NEGR1: variants seen among roughly 807,000 people sequenced by gnomAD.
NEGR1 encodes the protein neuronal growth regulator 1.
A neutral mutation model predicts 40.9 loss-of-function variants in NEGR1; 10 were observed. The observed-to-expected ratio is 0.24, with a 90% CI of 0.15 to 0.42. The LOEUF (loss-of-function observed/expected upper bound fraction) is 0.42, where lower values mean the gene tolerates loss of function less well. Among genes scored for constraint, NEGR1 ranks in the 10% least tolerant of loss-of-function variants. NEGR1 has a pLI of 1.00. For synonymous variants in NEGR1, 185 were observed against 166.8 expected (o/e 1.11, Z -0.84); for missense variants, 352 against 438.9 (o/e 0.80, Z 1.77).
At chr1:71,707,902 A>C (rs537494456) in intron 3 of NEGR1, among the ~76,000 whole-genome samples, 4 of 152,268 alleles carry the variant, frequency 2.6e-5, no homozygotes, top group Admixed American at 6.5e-5. Flanking sequence ...CAAGACCATC[A>C]AGGCAATTCC....
chr1:71,859,164 GC>G (rs772102241), intron 2 of NEGR1, among the ~76,000 whole-genome samples: 1 of 151,926 alleles, frequency 6.6e-6, no homozygotes, highest in Non-Finnish European at 1.5e-5. Flanking sequence ...GATACCTTTT[GC>G]CCCCATTCTT....
intron 2 of NEGR1, among the ~76,000 whole-genome samples, chr1:71,784,905 T>G (rs1270547108): frequency 6.6e-6 from 1 of 152,256 alleles, no homozygotes; most frequent in Non-Finnish European, 1.5e-5. Context: ...CATTTTTGGT[T>G]GCAGGCAAAT....
chr1:71,793,378 G>A (rs1413170625), intron 2 of NEGR1, among the ~76,000 whole-genome samples: 1 of 141,792 alleles, frequency 7.1e-6, no homozygotes, highest in East Asian at 2.1e-4. Context: ...CAAAGTGCTG[G>A]GATTACAGGC....
intron 4 of NEGR1, among the ~76,000 whole-genome samples, chr1:71,696,127 T>A (rs976396204): frequency 3.3e-5 from 5 of 151,742 alleles, no homozygotes; most frequent in African/African-American, 9.7e-5. Flanking sequence ...TCCTGGTATC[T>A]TTTTTACCCA....
chr1:71,729,746 C>T (rs1278032753), intron 3 of NEGR1, among the ~76,000 whole-genome samples: 1 of 151,892 alleles, frequency 6.6e-6, no homozygotes, highest in Non-Finnish European at 1.5e-5. Context: ...GTGATTCTTC[C>T]ACCTCAGCCT....
chr1:72,049,101 T>C (rs1647032458), intron 1 of NEGR1, among the ~76,000 whole-genome samples: 1 of 151,508 alleles, frequency 6.6e-6, no homozygotes, highest in East Asian at 1.9e-4. Context: ...GTCAAGAGGA[T>C]AGCTTGAGGC....
intron 3 of NEGR1, among the ~76,000 whole-genome samples, chr1:71,706,721 G>C (rs950906527): frequency 2.0e-5 from 3 of 151,772 alleles, no homozygotes; most frequent in Non-Finnish European, 1.5e-5. Flanking sequence ...CTAGCTTCCA[G>C]ATGACATTTC....
chr1:71,630,981 A>C (rs1650951826), intron 4 of NEGR1, among the ~76,000 whole-genome samples: 2 of 151,902 alleles, frequency 1.3e-5, no homozygotes. Flanking sequence ...TGGACAGTAA[A>C]TTATTATAAC....
intron 6 of NEGR1, among the ~76,000 whole-genome samples, chr1:71,445,533 G>A (rs1189596118): frequency 6.6e-6 from 1 of 152,086 alleles, no homozygotes; most frequent in African/African-American, 2.4e-5. Flanking sequence ...TGAAGATACA[G>A]TAAGTGACCT....
intron 1 of NEGR1, among the ~76,000 whole-genome samples, chr1:72,245,749 TATA>T (rs1306416536): frequency 1.3e-5 from 2 of 152,242 alleles, no homozygotes; most frequent in African/African-American, 4.8e-5. Flanking sequence ...AGTAATGAAA[TATA>T]ATAATGATTT....
At chr1:72,268,314 G>C (rs888354153) in intron 1 of NEGR1, among the ~76,000 whole-genome samples, 1 of 151,452 alleles carries the variant, frequency 6.6e-6, no homozygotes, top group African/African-American at 2.4e-5. Flanking sequence ...TTCACAATAA[G>C]TATGGGAGTA....
chr1:71,616,520 G>T (rs542571438), intron 4 of NEGR1, among the ~76,000 whole-genome samples: 1 of 152,216 alleles, frequency 6.6e-6, no homozygotes, highest in East Asian at 1.9e-4. Context: ...ATTGCTTGCA[G>T]ACTCATATCA....
intron 1 of NEGR1, among the ~76,000 whole-genome samples, chr1:72,250,066 A>C (rs1655034420): frequency 2.0e-5 from 3 of 152,210 alleles, no homozygotes; most frequent in Admixed American, 2.0e-4. Flanking sequence ...AAATGTGCGT[A>C]AAGTATAATG....
At chr1:71,582,389 C>T (rs630918) in intron 6 of NEGR1, among the ~76,000 whole-genome samples, 144,627 of 152,288 alleles carry the variant, frequency 0.95, 68,961 homozygotes, top group Non-Finnish European at 1. Context: ...TATACAGACC[C>T]ACAGACTATT....
At chr1:71,683,414 C>T (rs1323395335) in intron 4 of NEGR1, among the ~76,000 whole-genome samples, 2 of 141,114 alleles carry the variant, frequency 1.4e-5, no homozygotes, top group East Asian at 1.9e-4. Flanking sequence ...TAGTGGTTCT[C>T]ATTTCAATTA....
intron 1 of NEGR1, among the ~76,000 whole-genome samples, chr1:71,971,055 T>A (rs1646252216): frequency 6.6e-6 from 1 of 152,142 alleles, no homozygotes; most frequent in South Asian, 2.1e-4. Flanking sequence ...ATTTAATGAC[T>A]GATGCCATTA....
rs538975701 is a variant in NEGR1, at chr1:71,420,973, A to C, written c.941-13403T>G. ...ATGAGTTTGTTCTACATACTTGCTGAAAGTAATATAATTAATTTTTGAAAT... is the reference window on the plus strand; with the variant it reads ...ATGAGTTTGTTCTACATACTTGCTGCAAGTAATATAATTAATTTTTGAAAT... On this transcript the variant is annotated intron_variant, in intron 6 of 6. Transcript: ENST00000357731. 2.6e-5 allele frequency among the ~76,000 whole-genome samples: 4 copies of C among 152,192 alleles called. No individual in the cohort carries two copies. In the East Asian group the frequency reaches 7.7e-4, roughly 29 times the overall value.
chr1:71,582,929 G>A (rs905539263), intron 6 of NEGR1, among the ~76,000 whole-genome samples: 2 of 152,100 alleles, frequency 1.3e-5, no homozygotes, highest in Admixed American at 6.6e-5. Context: ...GGTAAGCTAA[G>A]TTTGATTACA....
intron 3 of NEGR1, among the ~76,000 whole-genome samples, chr1:71,761,512 C>G (rs1655940541): frequency 6.6e-6 from 1 of 152,118 alleles, no homozygotes; most frequent in Admixed American, 6.5e-5. Flanking sequence ...TGACAGTTTA[C>G]AATATTAAAC....
Sources: allele counts gnomAD v4.1 joint callset (sites outside exome capture counted in the v4.1 genomes callset), GRCh38; gene constraint gnomAD v4.1.1; transcripts MANE v1.5; gene names NCBI Gene and HGNC (gene_info 2026-07-23, HGNC 2026-07-21).